The following EFL1 variants were observed in gnomAD, a reference collection of about 807,000 sequenced individuals.
EFL1 encodes elongation factor like GTPase 1, also known as elongation factor-like GTPase 1.
Under a neutral mutation model 126.7 loss-of-function variants are expected in EFL1, and 76 were observed. The ratio of observed to expected loss-of-function variants is 0.60; its 90% CI spans 0.50 to 0.73. The LOEUF (loss-of-function observed/expected upper bound fraction) is 0.73. Among genes scored for constraint, EFL1 ranks in the 30% least tolerant of loss-of-function variants. The probability of loss-of-function intolerance (pLI) is 0.00; values close to 1 mark genes in which losing one functional copy is unlikely to be tolerated. For synonymous variants in EFL1, 410 were observed against 448.4 expected (o/e 0.91, Z 1.08); for missense variants, 1,128 against 1,343.2 (o/e 0.84, Z 2.50).
chr15:82,164,032 G>T, intron 15 of EFL1, 48 bp from the exon 16 acceptor site: 2 of 1,597,290 alleles, frequency 1.3e-6, no homozygotes, highest in South Asian at 2.3e-5. Context: ...GATAAATTCT[G>T]AATTTATGTC....
chr15:82,247,727 G>A (rs906936689), intron 4 of EFL1, among the ~76,000 whole-genome samples: 5 of 151,994 alleles, frequency 3.3e-5, no homozygotes, highest in African/African-American at 1.2e-4. Flanking sequence ...TGTTTCTCTT[G>A]GAATGTTTTC....
intron 12 of EFL1, among the ~76,000 whole-genome samples, chr15:82,222,414 T>C (rs2074721217): frequency 1.3e-5 from 2 of 152,246 alleles, no homozygotes; most frequent in Non-Finnish European, 2.9e-5. Context: ...GATAAAATTG[T>C]CATCTTATGT....
At chr15:82,163,591 G>A (rs982791867) in intron 16 of EFL1, among the ~76,000 whole-genome samples, 3 of 152,146 alleles carry the variant, frequency 2.0e-5, no homozygotes, top group African/African-American at 7.2e-5. Context: ...ACAATCCTAT[G>A]CCAGGGTTGT....
chr15:82,260,071 T>C (rs2075100003), intron 2 of EFL1, among the ~76,000 whole-genome samples: 1 of 152,202 alleles, frequency 6.6e-6, no homozygotes, highest in Non-Finnish European at 1.5e-5. Flanking sequence ...GCAGTATCCC[T>C]AGGACCAGAA....
At chr15:82,150,314 A>T (rs2073893733) in intron 18 of EFL1, among the ~76,000 whole-genome samples, 1 of 152,192 alleles carries the variant, frequency 6.6e-6, no homozygotes, top group South Asian at 2.1e-4. Context: ...TCCTAAAAAG[A>T]ATGTAATTAA....
intron 19 of EFL1, among the ~76,000 whole-genome samples, chr15:82,136,966 AC>A (rs879533197): frequency 1.3e-5 from 2 of 152,180 alleles, no homozygotes; most frequent in Non-Finnish European, 2.9e-5. Flanking sequence ...GACCAAAAAA[AC>A]GTAACCTAAA....
intron 3 of EFL1, among the ~76,000 whole-genome samples, chr15:82,257,844 T>C (rs2141344521): frequency 6.6e-6 from 1 of 152,380 alleles, no homozygotes; most frequent in South Asian, 2.1e-4. Context: ...ACTGATCCTT[T>C]CTATAAAATG....
chr15:82,160,554 C>T (rs565766775), intron 16 of EFL1, among the ~76,000 whole-genome samples: 69 of 152,222 alleles, frequency 4.5e-4, no homozygotes, highest in African/African-American at 1.5e-3. Flanking sequence ...ATTTGATTTT[C>T]ATCTTAATTT....
rs564118558 is a variant in EFL1 at position 82,214,708 on chromosome 15, T to C, written c.1750+9A>G. On this transcript the variant is annotated intron_variant, in intron 15 of 19. Transcript: ENST00000268206. ...TGGAGTAAGGATAAAATAAACAGCA[T>C]CACCCTACCTAGCACATTTCCTGGA... 9 of 1,518,406 alleles carry C rather than the reference T, an allele frequency of 5.9e-6. No individual in the cohort carries two copies. In the Admixed American group the frequency reaches 1.5e-4, roughly 25 times the overall value. The allele number at this position is 1,518,406 out of a possible 1,614,324, so 94.1% of individuals were successfully genotyped here.
intron 11 of EFL1, among the ~76,000 whole-genome samples, chr15:82,226,977 C>T (rs1357133692): frequency 6.6e-6 from 1 of 152,130 alleles, no homozygotes; most frequent in Non-Finnish European, 1.5e-5. Flanking sequence ...TGATCAATTG[C>T]GTCAAATGCT....
rs546101590 is a variant in EFL1, at chr15:82,207,378, G to C, written c.1750+7339C>G. Among the ~76,000 whole-genome samples, 77 of 150,556 alleles carry C rather than the reference G, an allele frequency of 5.1e-4. 1 individual carries two copies. The highest frequency in any genetic ancestry group is 1.8e-3 in the African/African-American group (72 of 40,938). On this transcript the variant is annotated intron_variant, in intron 15 of 19. Transcript: ENST00000268206. ...CCTCTAACTTAACAAATGAAACAAAGATTCTTATTGCACCACTATTTAACA... is the reference window on the plus strand; with the variant it reads ...CCTCTAACTTAACAAATGAAACAAACATTCTTATTGCACCACTATTTAACA...
In EFL1 at chr15:82,151,557, T is replaced by C; in HGVS notation, c.2897A>G (p.Lys966Arg). ...PFSGQLIATM[K>R]EACRYALQVK... Reference sequence around the variant, plus strand: ...TTGCAGTGCATAGCGACATGCTTCTTTCATGGTGGCAATTAGCTGTCCTGA... The same window carrying C: ...TTGCAGTGCATAGCGACATGCTTCTCTCATGGTGGCAATTAGCTGTCCTGA... The change falls in exon 18 of 20, where the codon AAA (lysine) becomes AGA (arginine). Residue 966 changes from lysine (K) to arginine (R), a missense_variant. Transcript: ENST00000268206. The C allele has an allele frequency of 1.2e-6, 2 of 1,614,168 alleles. No homozygotes were observed. The highest frequency in any genetic ancestry group is 1.1e-5 in the South Asian group (1 of 91,070).
intron 19 of EFL1, among the ~76,000 whole-genome samples, chr15:82,136,990 C>G (rs2141211070): frequency 6.6e-6 from 1 of 151,396 alleles, no homozygotes; most frequent in African/African-American, 2.4e-5. Context: ...ATAGCATTAA[C>G]CTTGGTTCTG....
At chr15:82,249,181 C>T (rs752055599) in intron 4 of EFL1, among the ~76,000 whole-genome samples, 1 of 151,930 alleles carries the variant, frequency 6.6e-6, no homozygotes, top group Admixed American at 6.6e-5. Context: ...TGGTGGCTCA[C>T]AACTGTAATA....
chr15:82,244,472 T>C (rs1484270548), intron 4 of EFL1, among the ~76,000 whole-genome samples: 1 of 152,184 alleles, frequency 6.6e-6, no homozygotes, highest in African/African-American at 2.4e-5. Flanking sequence ...CCTGAAGCTA[T>C]ATGTTGAATT....
At chr15:82,151,404 G>C in intron 18 of EFL1, 61 bp downstream of exon 18, 3 of 1,474,208 alleles carry the variant, frequency 2.0e-6, no homozygotes, top group Non-Finnish European at 2.7e-6. Context: ...AAGATTTTGA[G>C]TCTAGGAGAC....
chr15:82,218,558 A>G (rs118041742), intron 14 of EFL1, among the ~76,000 whole-genome samples: 4 of 152,362 alleles, frequency 2.6e-5, no homozygotes, highest in East Asian at 3.9e-4. Flanking sequence ...AAAAAAGGAA[A>G]AAATTAACTG....
intron 11 of EFL1, among the ~76,000 whole-genome samples, chr15:82,226,393 T>G (rs2074764462): frequency 6.6e-6 from 1 of 152,120 alleles, no homozygotes; most frequent in South Asian, 2.1e-4. Flanking sequence ...GTGAAAACAT[T>G]GGGAAATAGT....
At chr15:82,256,133 G>T (rs564164635) in intron 3 of EFL1, among the ~76,000 whole-genome samples, 2 of 152,212 alleles carry the variant, frequency 1.3e-5, no homozygotes, top group South Asian at 4.1e-4. Flanking sequence ...TTTTTGAAGA[G>T]ATGGCGTCTT....
Sources: gnomAD v4.1 joint callset for allele counts (sites outside exome capture counted in the v4.1 genomes callset) on GRCh38, gnomAD v4.1.1 for gene constraint, MANE v1.5 for transcripts, NCBI Gene and HGNC (gene_info 2026-07-23, HGNC 2026-07-21) for gene names.